Variants in ITCH observed in about 807,000 individuals in gnomAD.
ITCH encodes itchy E3 ubiquitin protein ligase, also known as E3 ubiquitin-protein ligase Itchy homolog.
In ITCH, 28 loss-of-function variants were observed where a neutral mutation model predicts 126.8. That is an observed-to-expected ratio of 0.22 (90% CI 0.16 to 0.30). ITCH has a LOEUF of 0.30. Ranked by LOEUF, ITCH falls within the 10% of genes least tolerant of loss-of-function variation. The probability of loss-of-function intolerance (pLI) is 1.00; values close to 1 mark genes in which losing one functional copy is unlikely to be tolerated. For synonymous variants in ITCH, 342 were observed against 340.0 expected, an observed-to-expected ratio of 1.01 and a Z score of -0.06; for missense variants, 631 against 1,032.4, an observed-to-expected ratio of 0.61 and a Z score of 5.33.
intron 16 of ITCH, chr20:34,476,341 C>G (rs1008899346): frequency 1.5e-6 from 2 of 1,302,064 alleles, no homozygotes; most frequent in South Asian, 2.6e-5. Context: ...CTCCGCGCTC[C>G]GGCCCGGTCC....
intron 3 of ITCH, among the ~76,000 whole-genome samples, chr20:34,397,188 A>G (rs1323010256): frequency 1.3e-5 from 2 of 151,992 alleles, no homozygotes. Context: ...AAGCCTGGCT[A>G]ATTTTTGCAT....
chr20:34,438,480 C>T lies in ITCH; in HGVS notation c.528C>T (p.Ser176=). The change falls in exon 8 of 25, where the codon AGC becomes AGT. Residue 176 remains serine, a synonymous_variant. Transcript: ENST00000374864. The part of the protein sequence containing the change: ...GSRSKDETRV[S]TNGSDDPEDA... Reference sequence around the variant, plus strand: ...TTCCCCTCTTCTTACCCAGAGTGAGCACAAATGGATCAGATGACCCTGAAG... The same window carrying T: ...TTCCCCTCTTCTTACCCAGAGTGAGTACAAATGGATCAGATGACCCTGAAG... The T allele has an allele frequency of 6.2e-7, 1 of 1,613,954 alleles. No homozygotes were observed. Among genetic ancestry groups the T allele is most frequent in the Non-Finnish European group, 8.5e-7 (1 of 1,179,942 alleles).
intron 2 of ITCH, among the ~76,000 whole-genome samples, chr20:34,380,529 A>G (rs917168339): frequency 1.4e-5 from 2 of 144,516 alleles, no homozygotes; most frequent in African/African-American, 5.2e-5. Context: ...TCTGGATACA[A>G]CTCCTTTATC....
At chr20:34,476,025 A>C (rs6059860) in intron 16 of ITCH, 738,322 of 1,557,924 alleles carry the variant, frequency 0.47, 179,480 homozygotes, top group Middle Eastern at 0.52. Flanking sequence ...CAGATTTGGC[A>C]GCCCAACTGT....
chr20:34,377,471 C>T (rs2037889921), intron 2 of ITCH, among the ~76,000 whole-genome samples: 1 of 152,020 alleles, frequency 6.6e-6, no homozygotes, highest in East Asian at 1.9e-4. Context: ...TTCATTAGAC[C>T]TTAGTTTATA....
intron 2 of ITCH, among the ~76,000 whole-genome samples, chr20:34,390,188 A>G (rs575244740): frequency 6.6e-6 from 1 of 152,150 alleles, no homozygotes; most frequent in Non-Finnish European, 1.5e-5. Flanking sequence ...CTTGCATGCA[A>G]CAGGCAGTTT....
At chr20:34,428,977 G>A (rs1288042334) in intron 7 of ITCH, among the ~76,000 whole-genome samples, 1 of 152,040 alleles carries the variant, frequency 6.6e-6, no homozygotes, top group East Asian at 1.9e-4. Context: ...TCGTTCTGTT[G>A]CCCAGGCTGG....
intron 1 of ITCH, among the ~76,000 whole-genome samples, chr20:34,363,751 T>A (rs1404298148): frequency 6.6e-6 from 1 of 152,030 alleles, no homozygotes; most frequent in Non-Finnish European, 1.5e-5. Flanking sequence ...GCGGGCGACG[T>A]GGCCCTGTGA....
intron 6 of ITCH, among the ~76,000 whole-genome samples, chr20:34,419,062 T>C (rs1980382477): frequency 1.3e-5 from 2 of 152,142 alleles, no homozygotes; most frequent in South Asian, 4.1e-4. Context: ...CGCGCCCAGC[T>C]GTAAAACTCC....
intron 16 of ITCH, chr20:34,476,343 G>A (rs1338079136): frequency 6.9e-6 from 9 of 1,311,804 alleles, no homozygotes; most frequent in Non-Finnish European, 8.4e-6. Context: ...CCGCGCTCCG[G>A]CCCGGTCCCC....
At position 34,442,220 on chromosome 20, in the gene ITCH, A is replaced by T. The variant is rs1983847949; in HGVS notation, c.882A>T (p.Arg294Ser). 6.2e-7 allele frequency: 1 copy of T among 1,613,666 alleles called. No individual in the cohort carries two copies. Among genetic ancestry groups the T allele is most frequent in the Non-Finnish European group, 8.5e-7 (1 of 1,179,564 alleles). Reference protein sequence around the residue: ...QAPLPPGWEQRVDQHGRVYYV... With the variant: ...QAPLPPGWEQSVDQHGRVYYV... ...TTTTGTATTTAAGTTGGGAGCAGAG[A>T]GTGGACCAGCACGGGCGAGTTTACT... The change falls in exon 10 of 25, where the codon AGA becomes AGT. Residue 294 changes from arginine to serine, a missense_variant. By Grantham distance (110) the Arg-to-Ser change is moderately radical. This residue lies in a region of ITCH where 390 missense variants were observed against 731.6 expected (regional missense o/e 0.53). Transcript: ENST00000374864.
chr20:34,398,112 G>T (rs1186787105), intron 3 of ITCH, among the ~76,000 whole-genome samples: 3 of 151,800 alleles, frequency 2.0e-5, no homozygotes, highest in African/African-American at 7.3e-5. Flanking sequence ...GTCCAGGCTG[G>T]TGTGCAGCAG....
intron 16 of ITCH, among the ~76,000 whole-genome samples, chr20:34,472,694 A>G (rs1475847728): frequency 6.6e-6 from 1 of 152,162 alleles, no homozygotes; most frequent in African/African-American, 2.4e-5. Flanking sequence ...AGTTTTTTTC[A>G]TTTCCTAATG....
intron 12 of ITCH, among the ~76,000 whole-genome samples, chr20:34,454,242 A>G (rs548756824): frequency 1.4e-5 from 2 of 146,934 alleles, no homozygotes; most frequent in Admixed American, 1.4e-4. Flanking sequence ...GGTTCACGCC[A>G]TTCTCCTGCC....
chr20:34,477,257 A>G (rs1338925827), intron 16 of ITCH, among the ~76,000 whole-genome samples: 2 of 152,242 alleles, frequency 1.3e-5, no homozygotes, highest in Non-Finnish European at 2.9e-5. Context: ...ACGGCCGGGC[A>G]TGATGGCTCA....
chr20:34,416,255 G>C (rs1415310133), intron 6 of ITCH, among the ~76,000 whole-genome samples: 1 of 151,708 alleles, frequency 6.6e-6, no homozygotes, highest in Non-Finnish European at 1.5e-5. Flanking sequence ...AAAATTAGCT[G>C]GGCGTGGTGG....
chr20:34,414,107 G>A (rs1979461138), intron 6 of ITCH, among the ~76,000 whole-genome samples: 1 of 149,212 alleles, frequency 6.7e-6, no homozygotes, highest in Non-Finnish European at 1.5e-5. Flanking sequence ...ACATCACTGC[G>A]GTCCAGCCTA....
chr20:34,408,880 TTTG>T (rs1420274608), intron 4 of ITCH, 88 bp downstream of exon 4: 14 of 1,334,502 alleles, frequency 1.0e-5, no homozygotes, highest in African/African-American at 3.0e-5. Flanking sequence ...ACTTTGGTTT[TTTG>T]TTGTTGTTGT....
intron 22 of ITCH, 55 bp from the exon 23 acceptor site, chr20:34,492,446 A>C: frequency 1.9e-6 from 2 of 1,059,488 alleles, no homozygotes; most frequent in Non-Finnish European, 2.9e-6. Context: ...TTTCTTGTTT[A>C]GTGTGCTGAA....
Sources: allele counts gnomAD v4.1 joint callset (sites outside exome capture counted in the v4.1 genomes callset), GRCh38; gene constraint gnomAD v4.1.1; regional missense constraint gnomAD v4.1.1; transcripts MANE v1.5; gene names NCBI Gene and HGNC (gene_info 2026-07-23, HGNC 2026-07-21).